Variants in AKAP13 observed in about 807,000 individuals in gnomAD.
The protein encoded by AKAP13 is A-kinase anchoring protein 13, also known as A-kinase anchor protein 13.
Under a neutral mutation model 264.5 loss-of-function variants are expected in AKAP13, and 80 were observed. The observed-to-expected ratio is 0.30, with a 90% confidence interval of 0.25 to 0.36. AKAP13 has a LOEUF of 0.36. AKAP13 is among the 10% of genes least tolerant of loss of function. AKAP13 has a pLI of 1.00. For missense variants in AKAP13, 3,712 were observed against 3,435.2 expected, an observed-to-expected ratio of 1.08 and a Z score of -2.01; for synonymous variants, 1,380 against 1,250.2, an observed-to-expected ratio of 1.10 and a Z score of -2.19.
chr15:85,475,132 T>C (rs948794759), intron 1 of AKAP13, among the ~76,000 whole-genome samples: 21 of 152,170 alleles, frequency 1.4e-4, no homozygotes, highest in African/African-American at 4.8e-4. Context: ...ATGAAGGAAG[T>C]GTAAAGGCTT....
At chr15:85,622,524 G>A (rs1267215383) in intron 8 of AKAP13, among the ~76,000 whole-genome samples, 1 of 152,198 alleles carries the variant, frequency 6.6e-6, no homozygotes, top group African/African-American at 2.4e-5. Context: ...TGGGGAGGAT[G>A]CCTTACCTCT....
chr15:85,553,452 A>G (rs1258713074), intron 5 of AKAP13, among the ~76,000 whole-genome samples: 3 of 152,200 alleles, frequency 2.0e-5, no homozygotes, highest in Non-Finnish European at 2.9e-5. Flanking sequence ...TAAAGATAAA[A>G]TGTTCTTCCT....
intron 16 of AKAP13, among the ~76,000 whole-genome samples, chr15:85,692,396 T>C (rs1220366491): frequency 6.6e-6 from 1 of 152,162 alleles, no homozygotes; most frequent in Non-Finnish European, 1.5e-5. Context: ...ATGGGTACTT[T>C]TGTGATTACT....
chr15:85,709,659 A>AATTTTATTTTATTTTACTTT (rs1555462159), intron 18 of AKAP13, among the ~76,000 whole-genome samples: 16 of 137,878 alleles, frequency 1.2e-4, no homozygotes, highest in Admixed American at 2.1e-4. Context: ...TAAAAGGGGG[A>AATTTTATTTTATTTTACTTT]ATTTTATTTT....
intron 5 of AKAP13, among the ~76,000 whole-genome samples, chr15:85,562,194 C>T (rs1480845397): frequency 2.0e-5 from 3 of 151,950 alleles, no homozygotes; most frequent in Non-Finnish European, 2.9e-5. Context: ...TAAATATTAA[C>T]AATAAAAGGA....
chr15:85,440,889 G>A (rs1307991807), intron 1 of AKAP13, among the ~76,000 whole-genome samples: 1 of 152,182 alleles, frequency 6.6e-6, no homozygotes, highest in African/African-American at 2.4e-5. Flanking sequence ...AAATTCTGCA[G>A]TGGCTTAAAT....
Position 85,438,083 on chromosome 15 carries a change from A to C in AKAP13, c.-11-47627A>C, listed in dbSNP as rs553354791. On this transcript the variant is annotated intron_variant, in intron 1 of 36. Transcript: ENST00000394518. ...CTAGAAAACCCCATTGTCTCAGCCC[A>C]AAATCTCCTTAAGCTGATAAGCAAC... Among the ~76,000 whole-genome samples the C allele has an allele frequency of 3.4e-3, 493 of 145,680 alleles. 1 individual carries two copies. Among genetic ancestry groups the C allele is most frequent in the Non-Finnish European group, 4.8e-3 (322 of 66,758 alleles).
chr15:85,469,741 T>A (rs764406453), intron 1 of AKAP13, among the ~76,000 whole-genome samples: 2 of 152,188 alleles, frequency 1.3e-5, no homozygotes, highest in Non-Finnish European at 2.9e-5. Context: ...TGCATTTATT[T>A]TAGGTGGCAA....
In AKAP13 at chr15:85,698,340, C is replaced by G. The variant is rs1484253862; in HGVS notation, c.5464+4889C>G. Among the ~76,000 whole-genome samples the G allele has an allele frequency of 2.0e-5, 3 of 151,658 alleles. No homozygotes were observed. In the East Asian group the frequency reaches 5.8e-4, roughly 29 times the overall value. On this transcript the variant is annotated intron_variant, in intron 17 of 36. Coordinates refer to ENST00000394518, the MANE Select transcript of AKAP13 (RefSeq NM_007200.5). The stretch of plus-strand genomic sequence containing the variant: ...AGTTAGTCGGGCATGGTGGCAGTGC[C>G]TGTAATCCCAGCTACTTGGGAGGCT...
intron 1 of AKAP13, among the ~76,000 whole-genome samples, chr15:85,383,857 A>G (rs2070416870): frequency 6.6e-6 from 1 of 152,180 alleles, no homozygotes; most frequent in African/African-American, 2.4e-5. Flanking sequence ...GTATTTCTCA[A>G]ACTTGTTTAA....
At chr15:85,673,893 A>G (rs944612205) in intron 14 of AKAP13, among the ~76,000 whole-genome samples, 3 of 151,226 alleles carry the variant, frequency 2.0e-5, no homozygotes, top group Non-Finnish European at 4.4e-5. Context: ...GGGTTTTACC[A>G]TGTTAGCCAG....
chr15:85,693,115 A>G (rs1418625383), intron 16 of AKAP13, 162 bp from the exon 17 acceptor site: 1 of 1,291,748 alleles, frequency 7.7e-7, no homozygotes, highest in African/African-American at 1.5e-5. Flanking sequence ...CAACGCCTTA[A>G]TTTAAAAAAA....
chr15:85,425,999 T>G (rs756487478), intron 1 of AKAP13, among the ~76,000 whole-genome samples: 9 of 152,298 alleles, frequency 5.9e-5, no homozygotes, highest in Non-Finnish European at 1.2e-4. Flanking sequence ...TTTCTAATGC[T>G]ATTTTTGAAG....
chr15:85,398,347 A>G lies in AKAP13; in HGVS notation c.-12+17549A>G, dbSNP rs909384866. Among the ~76,000 whole-genome samples, 12 of 152,212 alleles carry G rather than the reference A, an allele frequency of 7.9e-5. No homozygotes were observed. The South Asian group carries it at 8.3e-4, about 11-fold the overall frequency. On this transcript the variant is annotated intron_variant, in intron 1 of 36. Coordinates refer to ENST00000394518, the MANE Select transcript of AKAP13 (RefSeq NM_007200.5). ...CAGTTCCTCTAGAAATTTAGGAACT[A>G]TAGTCCCCCAAAAGTACACATAAAT...
intron 1 of AKAP13, among the ~76,000 whole-genome samples, chr15:85,440,883 T>A (rs1715159871): frequency 6.6e-6 from 1 of 152,190 alleles, no homozygotes; most frequent in Non-Finnish European, 1.5e-5. Flanking sequence ...TTAAAAAAAT[T>A]CTGCAGTGGC....
At chr15:85,691,663 C>T (rs558201188) in intron 16 of AKAP13, among the ~76,000 whole-genome samples, 31 of 152,154 alleles carry the variant, frequency 2.0e-4, no homozygotes, top group Non-Finnish European at 3.5e-4. Flanking sequence ...CAGCCCAGTG[C>T]CCCCACTGTT....
At chr15:85,561,630 ATAAC>A (rs1295898835) in intron 5 of AKAP13, among the ~76,000 whole-genome samples, 1 of 152,250 alleles carries the variant, frequency 6.6e-6, no homozygotes, top group Admixed American at 6.5e-5. Flanking sequence ...CGATGCATCT[ATAAC>A]TAATACAGTG....
At chr15:85,385,467 A>G (rs2070510367) in intron 1 of AKAP13, among the ~76,000 whole-genome samples, 1 of 152,200 alleles carries the variant, frequency 6.6e-6, no homozygotes, top group African/African-American at 2.4e-5. Flanking sequence ...ATACATTCAT[A>G]TATCCACTGC....
intron 19 of AKAP13, among the ~76,000 whole-genome samples, chr15:85,711,675 A>G (rs889573276): frequency 2.6e-5 from 4 of 152,228 alleles, no homozygotes; most frequent in Non-Finnish European, 5.9e-5. Flanking sequence ...AATGATTAAT[A>G]TCTTCTTAGC....
Sources: gnomAD v4.1 joint callset for allele counts (sites outside exome capture counted in the v4.1 genomes callset) on GRCh38, gnomAD v4.1.1 for gene constraint, MANE v1.5 for transcripts, NCBI Gene and HGNC (gene_info 2026-07-23, HGNC 2026-07-21) for gene names.